The following HDGFL3 variants were observed in gnomAD, a reference collection of about 807,000 sequenced individuals.
The protein encoded by HDGFL3 is HDGF like 3.
HDGFL3 carries 6 observed loss-of-function variants against 27.6 expected under a neutral mutation model. That is an observed-to-expected ratio of 0.22 (90% CI 0.12 to 0.43). HDGFL3 has a LOEUF of 0.43. Ranked by LOEUF, HDGFL3 falls within the 20% of genes least tolerant of loss-of-function variation. HDGFL3 has a pLI of 1.00. For synonymous variants in HDGFL3, 88 were observed against 88.9 expected (o/e 0.99, Z 0.05); for missense variants, 207 against 250.1 (o/e 0.83, Z 1.16).
intron 1 of HDGFL3, among the ~76,000 whole-genome samples, chr15:83,170,552 A>C (rs1199366416): frequency 1.3e-5 from 2 of 152,184 alleles, no homozygotes; most frequent in Admixed American, 6.5e-5. Flanking sequence ...AACTTTCACC[A>C]CATAAGAAAA....
downstream of HDGFL3, chr15:83,126,850 CAAGTAGTTATGAAGCCT>C: frequency 6.2e-7 from 1 of 1,605,528 alleles, no homozygotes; most frequent in South Asian, 1.1e-5. Flanking sequence ...AAATTCAGGT[CAAGTAGTTATGAAGCCT>C]AAGATTTTTC....
chr15:83,152,883 G>A (rs999763947), intron 4 of HDGFL3, among the ~76,000 whole-genome samples: 4 of 151,140 alleles, frequency 2.6e-5, no homozygotes, highest in Non-Finnish European at 5.9e-5. Flanking sequence ...TGACGATCAA[G>A]AATGACAATA....
At chr15:83,161,583 G>C (rs1355281299) in intron 2 of HDGFL3, among the ~76,000 whole-genome samples, 1 of 152,202 alleles carries the variant, frequency 6.6e-6, no homozygotes, top group East Asian at 1.9e-4. Flanking sequence ...TGAGATGGAC[G>C]TCTTCCTGCT....
At chr15:83,150,403 G>C (rs2036949123) in intron 5 of HDGFL3, among the ~76,000 whole-genome samples, 1 of 152,158 alleles carries the variant, frequency 6.6e-6, no homozygotes, top group Admixed American at 6.5e-5. Context: ...GCAGAGGATA[G>C]AGTAGGGCTG....
At chr15:83,163,714 A>T in intron 2 of HDGFL3, 1 of 327,254 alleles carries the variant, frequency 3.1e-6, no homozygotes, top group Non-Finnish European at 5.6e-6. Context: ...GGAGTGGTAC[A>T]GAAACCACTC....
chr15:83,152,697 A>C (rs1300461452), intron 4 of HDGFL3, among the ~76,000 whole-genome samples: 3 of 151,590 alleles, frequency 2.0e-5, no homozygotes, highest in East Asian at 3.9e-4. Flanking sequence ...AAAAAAAAAA[A>C]AACAAAAAAA....
rs1389163858 is a variant in HDGFL3, at chr15:83,136,472, A to G, written c.*2798T>C. 17 of 1,568,024 alleles carry G rather than the reference A, an allele frequency of 1.1e-5. No homozygotes were observed. The highest frequency in any genetic ancestry group is 1.5e-5 in the Non-Finnish European group (17 of 1,163,880). On this transcript the variant is annotated 3_prime_UTR_variant, in exon 6 of 6. Transcript: ENST00000299633. ...TGCTTACTCAATTTTTTTTTTTTAAATGCAACAGGCTCAGTTTTCTCACAT... is the reference window on the plus strand; with the variant it reads ...TGCTTACTCAATTTTTTTTTTTTAAGTGCAACAGGCTCAGTTTTCTCACAT...
rs560634608 is a variant in HDGFL3 at position 83,207,044 on chromosome 15, G to A, written c.84+287C>T. 6.6e-6 allele frequency among the ~76,000 whole-genome samples: 1 copy of A among 152,320 alleles called. No homozygotes were observed. Among genetic ancestry groups the A allele is most frequent in the Non-Finnish European group, 1.5e-5 (1 of 68,010 alleles). On this transcript the variant is annotated intron_variant, in intron 1 of 5. Coordinates refer to ENST00000299633, the MANE Select transcript of HDGFL3 (RefSeq NM_016073.4). This position sits in a 1 kb window ranked among gnomAD's most constrained non-coding sequence, Gnocchi z 4.8. ...CCGCTGCCCGGCGGCGTGGCTTCCC[G>A]GTCGGCACCGGCTTTCCAGGAGGAA...
At chr15:83,201,703 T>C (rs561950158) in intron 1 of HDGFL3, among the ~76,000 whole-genome samples, 1 of 152,284 alleles carries the variant, frequency 6.6e-6, no homozygotes, top group Admixed American at 6.5e-5. Context: ...TTCCAAATCA[T>C]GGAGGAACAG....
chr15:83,157,324 C>G, intron 4 of HDGFL3, 91 bp downstream of exon 4: 1 of 1,276,206 alleles, frequency 7.8e-7, no homozygotes, highest in Non-Finnish European at 1.1e-6. Flanking sequence ...TAGTATATTT[C>G]TATGTACCCA....
chr15:83,119,855 A>G (rs562291876), intron 3 of HDGFL3: 5 of 968,746 alleles, frequency 5.2e-6, no homozygotes, highest in Admixed American at 3.1e-5. Flanking sequence ...TGCCTTTTGA[A>G]TATGTCCTTC....
intron 2 of HDGFL3, among the ~76,000 whole-genome samples, chr15:83,160,857 T>C (rs907500525): frequency 1.3e-5 from 2 of 152,174 alleles, no homozygotes; most frequent in Non-Finnish European, 2.9e-5. Context: ...CTGGGTAAGC[T>C]TTCTGACCCC....
At chr15:83,146,205 C>G (rs1484245374) in intron 5 of HDGFL3, among the ~76,000 whole-genome samples, 1 of 152,084 alleles carries the variant, frequency 6.6e-6, no homozygotes, top group Non-Finnish European at 1.5e-5. Flanking sequence ...AAGTGATTCA[C>G]AACCACTGGG....
chr15:83,127,502 G>A (rs1328680974), downstream of HDGFL3: 9 of 1,611,936 alleles, frequency 5.6e-6, no homozygotes, highest in Non-Finnish European at 7.6e-6. Context: ...CTGTTGAGAA[G>A]GTTTACTTGT....
At chr15:83,121,322 T>C (rs2035226956) in intron 3 of HDGFL3, among the ~76,000 whole-genome samples, 1 of 151,866 alleles carries the variant, frequency 6.6e-6, no homozygotes, top group Non-Finnish European at 1.5e-5. Flanking sequence ...CCTCAAGTGA[T>C]CTGCCCACCT....
intron 2 of HDGFL3, among the ~76,000 whole-genome samples, chr15:83,161,934 G>A (rs1201864813): frequency 6.6e-6 from 1 of 152,022 alleles, no homozygotes; most frequent in South Asian, 2.1e-4. Flanking sequence ...AAACTACTGG[G>A]TTTATGTTAG....
At chr15:83,152,152 G>A (rs913598428) in intron 4 of HDGFL3, among the ~76,000 whole-genome samples, 8 of 152,228 alleles carry the variant, frequency 5.3e-5, no homozygotes, top group Non-Finnish European at 1.0e-4. Flanking sequence ...CACGTTGCAA[G>A]TAAGAGGTAA....
At chr15:83,198,071 A>AAAAAAAAAAAC (rs2037594686) in intron 1 of HDGFL3, among the ~76,000 whole-genome samples, 1 of 150,832 alleles carries the variant, frequency 6.6e-6, no homozygotes, top group Non-Finnish European at 1.5e-5. Flanking sequence ...AAAAAAAAAA[A>AAAAAAAAAAAC]AAAGAAGCCA....
intron 3 of HDGFL3, among the ~76,000 whole-genome samples, chr15:83,119,277 A>G (rs2034994397): frequency 6.6e-6 from 1 of 152,260 alleles, no homozygotes; most frequent in Non-Finnish European, 1.5e-5. Context: ...TGAGTTTGCC[A>G]TACAGCCAGG....
Sources: allele counts gnomAD v4.1 joint callset (sites outside exome capture counted in the v4.1 genomes callset), GRCh38; gene constraint gnomAD v4.1.1; non-coding constraint Gnocchi (gnomAD v3.1); transcripts MANE v1.5; gene names NCBI Gene and HGNC (gene_info 2026-07-23, HGNC 2026-07-21).